Variants in PEX5L observed in about 807,000 individuals in gnomAD.
PEX5L encodes the protein peroxisomal biogenesis factor 5 like, also known as PEX5-related protein.
A neutral mutation model predicts 84.0 loss-of-function variants in PEX5L; 30 were observed. The observed-to-expected ratio is 0.36, with a 90% CI of 0.27 to 0.48. The LOEUF is 0.48. Among genes scored for constraint, PEX5L ranks in the 20% least tolerant of loss-of-function variants. The pLI is 0.99. For missense variants in PEX5L, 533 were observed against 754.6 expected, an observed-to-expected ratio of 0.71 and a Z score of 3.44; for synonymous variants, 270 against 283.1, an observed-to-expected ratio of 0.95 and a Z score of 0.46.
Position 180,036,645 on chromosome 3 carries a change from T to C in PEX5L, c.-46A>G, listed in dbSNP as rs761009987. On this transcript the variant is annotated 5_prime_UTR_variant, in exon 1 of 15. Coordinates refer to ENST00000467460, the MANE Select transcript of PEX5L (RefSeq NM_016559.3). ...GCTCCCTGAGGCCACCGGATGCTTT[T>C]CCCCCGTGCTTACTTGCCCACCAAA... 1.6e-5 allele frequency: 25 copies of C among 1,611,448 alleles called. No homozygotes were observed. Among genetic ancestry groups the C allele is most frequent in the East Asian group, 1.3e-4 (6 of 44,866 alleles).
intron 2 of PEX5L, among the ~76,000 whole-genome samples, chr3:179,930,766 C>T (rs911909301): frequency 6.6e-6 from 1 of 152,186 alleles, no homozygotes; most frequent in Non-Finnish European, 1.5e-5. Context: ...TTTCTAAAGA[C>T]ATTTTATGCT....
intron 8 of PEX5L, among the ~76,000 whole-genome samples, chr3:179,853,797 CTCTTCT>C (rs1028353822): frequency 1.4e-5 from 2 of 147,106 alleles, no homozygotes; most frequent in South Asian, 2.1e-4. Flanking sequence ...CTTCCTCTTC[CTCTTCT>C]TCTTCTTATT....
At chr3:179,814,939 A>C (rs559883906) in intron 10 of PEX5L, among the ~76,000 whole-genome samples, 1 of 152,218 alleles carries the variant, frequency 6.6e-6, no homozygotes, top group Admixed American at 6.5e-5. Flanking sequence ...CTCTCTTGTA[A>C]CAAAAACTTG....
intron 7 of PEX5L, among the ~76,000 whole-genome samples, chr3:179,865,590 G>A (rs1262636019): frequency 6.6e-6 from 1 of 151,400 alleles, no homozygotes; most frequent in Non-Finnish European, 1.5e-5. Context: ...CTTATAAACT[G>A]GTTATATTGC....
intron 2 of PEX5L, among the ~76,000 whole-genome samples, chr3:179,934,512 C>G (rs1057350628): frequency 6.6e-6 from 1 of 152,170 alleles, no homozygotes; most frequent in Non-Finnish European, 1.5e-5. Flanking sequence ...TGGGTGAGGT[C>G]TCTGAGTCTC....
At chr3:179,811,907 A>C (rs1724033771) in intron 10 of PEX5L, 36 bp from the exon 11 acceptor site, 1 of 1,531,846 alleles carries the variant, frequency 6.5e-7, no homozygotes, top group Non-Finnish European at 9.1e-7. Flanking sequence ...TTGCAAGATG[A>C]AGCAGAATTA....
chr3:179,888,480 A>G (rs910391033), intron 3 of PEX5L, among the ~76,000 whole-genome samples: 1 of 152,126 alleles, frequency 6.6e-6, no homozygotes, highest in African/African-American at 2.4e-5. Context: ...AATTTCAGCA[A>G]TCTTTCAGTT....
intron 8 of PEX5L, among the ~76,000 whole-genome samples, chr3:179,851,153 T>A (rs1431711397): frequency 2.0e-5 from 3 of 151,856 alleles, no homozygotes; most frequent in Non-Finnish European, 4.4e-5. Flanking sequence ...TAAAGAGAAG[T>A]AAAGAAAGTC....
chr3:179,853,779 T>C (rs770487270), intron 8 of PEX5L, among the ~76,000 whole-genome samples: 3 of 151,808 alleles, frequency 2.0e-5, no homozygotes, highest in African/African-American at 7.2e-5. Flanking sequence ...CTTCTTCTTC[T>C]TCTTCCTCTT....
chr3:179,890,041 G>C (rs1235393287), intron 3 of PEX5L, among the ~76,000 whole-genome samples: 1 of 152,156 alleles, frequency 6.6e-6, no homozygotes, highest in African/African-American at 2.4e-5. Context: ...TTTGTAGTTA[G>C]TGCATGTCCA....
chr3:179,806,971 T>C (rs1473453020), intron 14 of PEX5L, among the ~76,000 whole-genome samples: 1 of 152,058 alleles, frequency 6.6e-6, no homozygotes, highest in Non-Finnish European at 1.5e-5. Context: ...ATGAAAGTAA[T>C]ACCGGTTTAT....
intron 1 of PEX5L, among the ~76,000 whole-genome samples, chr3:180,006,052 C>T (rs1031777807): frequency 3.9e-5 from 6 of 152,128 alleles, no homozygotes; most frequent in Non-Finnish European, 5.9e-5. Context: ...TTCAATACTA[C>T]CTCAATCAAG....
intron 2 of PEX5L, among the ~76,000 whole-genome samples, chr3:179,959,840 A>G (rs1253229218): frequency 6.6e-6 from 1 of 152,176 alleles, no homozygotes; most frequent in Admixed American, 6.5e-5. Context: ...GTGGCAGCAG[A>G]GCAGAATAAG....
intron 1 of PEX5L, among the ~76,000 whole-genome samples, chr3:180,005,285 T>C (rs1788778674): frequency 6.6e-6 from 1 of 152,064 alleles, no homozygotes; most frequent in Non-Finnish European, 1.5e-5. Flanking sequence ...TTTTTAGAGA[T>C]AGGGTTTTCC....
At chr3:179,812,656 A>G (rs1026583895) in intron 10 of PEX5L, among the ~76,000 whole-genome samples, 4 of 152,130 alleles carry the variant, frequency 2.6e-5, no homozygotes, top group Admixed American at 2.6e-4. Flanking sequence ...TATATCTAGA[A>G]TTAAAGTTTT....
rs1553929372 is a variant in PEX5L, at chr3:180,023,796, A to ACTAGCTGCTT, written c.21+12782_21+12783insAAGCAGCTAG. ...CAGAGAGAGAGAGAGAGAGAGAGAGAGGGAGAGACTAGCTGCTTGGTAGAG... is the reference window on the plus strand; with the variant it reads ...CAGAGAGAGAGAGAGAGAGAGAGAGACTAGCTGCTTGGGAGAGACTAGCTGCTTGGTAGAG... On this transcript the variant is annotated intron_variant, in intron 1 of 14. Transcript: ENST00000467460. 4.2e-4 allele frequency among the ~76,000 whole-genome samples: 62 copies of ACTAGCTGCTT among 148,646 alleles called. 1 individual carries two copies. Among genetic ancestry groups the ACTAGCTGCTT allele is most frequent in the African/African-American group, 1.5e-3 (57 of 38,380 alleles).
intron 7 of PEX5L, among the ~76,000 whole-genome samples, chr3:179,863,554 C>A (rs1747003455): frequency 6.6e-6 from 1 of 152,096 alleles, no homozygotes; most frequent in Admixed American, 6.5e-5. Context: ...AGAAGACGTA[C>A]AAATGGCCAA....
intron 2 of PEX5L, among the ~76,000 whole-genome samples, chr3:179,906,797 C>A (rs996569680): frequency 6.6e-6 from 1 of 152,112 alleles, no homozygotes; most frequent in Non-Finnish European, 1.5e-5. Flanking sequence ...TTCTGCCCTG[C>A]CTCCCCAAAT....
intron 1 of PEX5L, among the ~76,000 whole-genome samples, chr3:179,988,388 CAATAAATAAATAAATA>C (rs56669562): frequency 7.0e-6 from 1 of 143,446 alleles, no homozygotes; most frequent in Non-Finnish European, 1.5e-5. Context: ...AAATCTGCCT[CAATAAATAAATAAATA>C]AATAAATAAA....
Sources: allele counts gnomAD v4.1 joint callset (sites outside exome capture counted in the v4.1 genomes callset), GRCh38; gene constraint gnomAD v4.1.1; transcripts MANE v1.5; gene names NCBI Gene and HGNC (gene_info 2026-07-23, HGNC 2026-07-21).